The following RORA variants were observed in gnomAD, a reference collection of about 807,000 sequenced individuals.
RORA encodes the protein nuclear receptor ROR-alpha.
In RORA, 7 loss-of-function variants were observed where a neutral mutation model predicts 69.5. The observed-to-expected ratio is 0.10, with a 90% CI of 0.06 to 0.19. The LOEUF (loss-of-function observed/expected upper bound fraction) is 0.19. Among genes scored for constraint, RORA ranks in the 10% least tolerant of loss-of-function variants. RORA has a pLI of 1.00. For missense variants in RORA, 457 were observed against 663.0 expected (o/e 0.69, Z 3.41); for synonymous variants, 261 against 240.8 (o/e 1.08, Z -0.78).
At chr15:61,064,008 G>C (rs1254245650) in intron 1 of RORA, among the ~76,000 whole-genome samples, 6 of 152,156 alleles carry the variant, frequency 3.9e-5, no homozygotes, top group African/African-American at 1.4e-4. Flanking sequence ...AGTGTGAATG[G>C]AGTTAGTGCT....
At chr15:60,887,806 G>A (rs937961272) in intron 1 of RORA, among the ~76,000 whole-genome samples, 2 of 152,170 alleles carry the variant, frequency 1.3e-5, no homozygotes, top group African/African-American at 4.8e-5. Flanking sequence ...CTTGCTGCGG[G>A]CATCAGCAGG....
At chr15:60,794,106 A>T (rs1193425088) in intron 1 of RORA, among the ~76,000 whole-genome samples, 4 of 152,224 alleles carry the variant, frequency 2.6e-5, no homozygotes, top group Non-Finnish European at 5.9e-5. Flanking sequence ...TTTCTTCCCC[A>T]GAAAACAGTC....
chr15:61,044,176 C>T (rs1471104931), intron 1 of RORA, among the ~76,000 whole-genome samples: 1 of 152,158 alleles, frequency 6.6e-6, no homozygotes, highest in Non-Finnish European at 1.5e-5. Flanking sequence ...GTGCTTGTGT[C>T]CTGAGGTTTT....
At chr15:61,053,758 A>G (rs2078047294) in intron 1 of RORA, among the ~76,000 whole-genome samples, 1 of 149,038 alleles carries the variant, frequency 6.7e-6, no homozygotes, top group Admixed American at 6.7e-5. Flanking sequence ...TTTTGTAGCC[A>G]GATATCAAGT....
At chr15:61,024,452 T>A (rs1002285977) in intron 1 of RORA, among the ~76,000 whole-genome samples, 1 of 9,800 alleles carries the variant, frequency 1.0e-4, no homozygotes, top group African/African-American at 2.4e-4. Context: ...CCCGGTAATG[T>A]TTTTTTTTTT....
At chr15:60,586,989 G>A (rs1186749245) in intron 2 of RORA, among the ~76,000 whole-genome samples, 2 of 152,072 alleles carry the variant, frequency 1.3e-5, no homozygotes, top group Non-Finnish European at 2.9e-5. Flanking sequence ...AAACAAACAC[G>A]ACAGCACTCA....
At chr15:60,617,488 C>T (rs2069275990) in intron 2 of RORA, among the ~76,000 whole-genome samples, 1 of 152,136 alleles carries the variant, frequency 6.6e-6, no homozygotes, top group Non-Finnish European at 1.5e-5. Flanking sequence ...TCTTGGAGAA[C>T]ATCCTATCCA....
At chr15:60,812,512 AAAATAAAT>A (rs1256809073) in intron 1 of RORA, among the ~76,000 whole-genome samples, 1 of 152,224 alleles carries the variant, frequency 6.6e-6, no homozygotes, top group African/African-American at 2.4e-5. Context: ...CCTGTGTCTA[AAAATAAAT>A]AAATCAATAA....
chr15:61,138,036 T>C (rs2079261885), intron 1 of RORA, among the ~76,000 whole-genome samples: 1 of 152,226 alleles, frequency 6.6e-6, no homozygotes, highest in African/African-American at 2.4e-5. Flanking sequence ...ATGCTTTCTT[T>C]ATATTGAGTC....
At chr15:61,211,840 C>T (rs1485547871) in intron 1 of RORA, 1 of 152,182 alleles carries the variant, frequency 6.6e-6, no homozygotes, top group Non-Finnish European at 1.5e-5. Context: ...ACATCATCAA[C>T]CTCCTTCCAG....
chr15:61,115,128 C>A (rs1292652502), intron 1 of RORA, among the ~76,000 whole-genome samples: 1 of 152,146 alleles, frequency 6.6e-6, no homozygotes, highest in Non-Finnish European at 1.5e-5. Flanking sequence ...GATCCAGCAC[C>A]CACGGGTTTA....
intron 1 of RORA, among the ~76,000 whole-genome samples, chr15:61,108,191 T>A (rs1347079290): frequency 1.3e-5 from 2 of 152,208 alleles, no homozygotes; most frequent in Non-Finnish European, 2.9e-5. Context: ...TGATCCCTAG[T>A]ACCGATCCTG....
intron 2 of RORA, among the ~76,000 whole-genome samples, chr15:60,638,306 G>C (rs1476952085): frequency 6.6e-6 from 1 of 151,800 alleles, no homozygotes; most frequent in African/African-American, 2.4e-5. Context: ...TCTTTTTAAG[G>C]CTTGTTAACA....
chr15:60,895,524 A>T (rs190013617), intron 1 of RORA, among the ~76,000 whole-genome samples: 2 of 152,286 alleles, frequency 1.3e-5, no homozygotes, highest in Non-Finnish European at 2.9e-5. Flanking sequence ...GTATCGGAAA[A>T]TCTTAGAAAA....
At chr15:60,718,000 T>C (rs1463321141) in intron 1 of RORA, among the ~76,000 whole-genome samples, 1 of 151,996 alleles carries the variant, frequency 6.6e-6, no homozygotes, top group Non-Finnish European at 1.5e-5. Flanking sequence ...GGTTTCACCA[T>C]GTTGGCCAGG....
rs944734014 is a variant in RORA at position 61,074,621 on chromosome 15, A to G, written c.166+154432T>C. Among the ~76,000 whole-genome samples the G allele has an allele frequency of 3.3e-5, 5 of 152,316 alleles. No homozygotes were observed. In the East Asian group the frequency reaches 9.7e-4, roughly 29 times the overall value. On this transcript the variant is annotated intron_variant, in intron 1 of 10. Coordinates refer to ENST00000335670, the MANE Select transcript of RORA (RefSeq NM_134261.3). ...CTTATCCTTCCTTCTTATAGGAATAATTTTTAAAAAATCATTATTCTACTG... is the reference window on the plus strand; with the variant it reads ...CTTATCCTTCCTTCTTATAGGAATAGTTTTTAAAAAATCATTATTCTACTG...
intron 1 of RORA, among the ~76,000 whole-genome samples, chr15:61,206,397 C>T (rs528485713): frequency 6.6e-6 from 1 of 152,154 alleles, no homozygotes; most frequent in Non-Finnish European, 1.5e-5. Context: ...AAAACAATAG[C>T]TGAGGACTTG....
At chr15:60,597,549 A>ACC (rs1335197252) in intron 2 of RORA, among the ~76,000 whole-genome samples, 1 of 37,560 alleles carries the variant, frequency 2.7e-5, no homozygotes, top group Non-Finnish European at 4.7e-5. Flanking sequence ...ACACACACAC[A>ACC]ACATATATAT....
chr15:61,072,058 G>C (rs1047626339), intron 1 of RORA, among the ~76,000 whole-genome samples: 69 of 152,186 alleles, frequency 4.5e-4, no homozygotes, highest in African/African-American at 1.6e-3. Context: ...TTTTTTAAAT[G>C]CTCATGATGT....
Sources: allele counts gnomAD v4.1 joint callset (sites outside exome capture counted in the v4.1 genomes callset), GRCh38; gene constraint gnomAD v4.1.1; transcripts MANE v1.5; gene names NCBI Gene and HGNC (gene_info 2026-07-23, HGNC 2026-07-21).